ABCD3: variants seen among roughly 807,000 people sequenced by gnomAD.
ABCD3 encodes ATP binding cassette subfamily D member 3, also known as ATP-binding cassette sub-family D member 3.
A neutral mutation model predicts 105.5 loss-of-function variants in ABCD3; 41 were observed. The observed-to-expected ratio is 0.39, with a 90% CI of 0.30 to 0.50. The LOEUF (loss-of-function observed/expected upper bound fraction) is 0.50, where lower values mean the gene tolerates loss of function less well. Among genes scored for constraint, ABCD3 ranks in the 20% least tolerant of loss-of-function variants. The pLI is 0.84. For synonymous variants in ABCD3, 258 were observed against 269.0 expected (o/e 0.96, Z 0.40); for missense variants, 622 against 806.3 (o/e 0.77, Z 2.77).
At chr1:94,485,105 G>A (rs1026379976) in intron 10 of ABCD3, among the ~76,000 whole-genome samples, 1 of 152,142 alleles carries the variant, frequency 6.6e-6, no homozygotes, top group Admixed American at 6.5e-5. Flanking sequence ...GCTAGATTTG[G>A]ACTATGGGTC....
At chr1:94,408,481 C>T in the ABCD3 span, among the ~76,000 whole-genome samples, 1 of 150,782 alleles carries the variant, frequency 6.6e-6, no homozygotes, top group African/African-American at 2.4e-5. Flanking sequence ...GTAATCCCAG[C>T]TACTAGAGAG....
chr1:94,423,371 C>G (rs773780462), intron 1 of ABCD3, among the ~76,000 whole-genome samples: 14 of 152,190 alleles, frequency 9.2e-5, no homozygotes, highest in Non-Finnish European at 1.8e-4. Context: ...GGTGAGTTTC[C>G]TGCTTTTAAA....
In ABCD3 at chr1:94,517,286, TA is replaced by T. The variant is rs1006113943; in HGVS notation, c.*161del. 1.0e-4 allele frequency: 61 copies of T among 604,204 alleles called. No individual in the cohort carries two copies. In the African/African-American group the frequency reaches 1.0e-3, roughly 10 times the overall value. The allele number at this position is 604,204 out of a possible 1,614,324, so 37.4% of individuals were successfully genotyped here. Reference sequence around the variant, plus strand: ...TACAGAATAATGGAGAACAAGTTGTTAAAACATTTAATATTATATAGGATAT... The same window carrying T: ...TACAGAATAATGGAGAACAAGTTGTTAAACATTTAATATTATATAGGATAT... On this transcript the variant is annotated 3_prime_UTR_variant, in exon 23 of 23. Coordinates refer to ENST00000370214, the MANE Select transcript of ABCD3 (RefSeq NM_002858.4).
intron 1 of ABCD3, among the ~76,000 whole-genome samples, chr1:94,450,913 C>T (rs1472354307): frequency 6.6e-6 from 1 of 152,182 alleles, no homozygotes; most frequent in Non-Finnish European, 1.5e-5. Context: ...CTTTATCATC[C>T]TCCCAGATAG....
chr1:94,418,401 C>T lies in ABCD3; in HGVS notation c.-78C>T. The T allele has an allele frequency of 8.6e-6, 11 of 1,275,914 alleles. No individual in the cohort carries two copies. The highest frequency in any genetic ancestry group is 7.6e-5 in the South Asian group (6 of 79,002). The allele number at this position is 1,275,914 out of a possible 1,614,324, so 79.0% of individuals were successfully genotyped here. ...CCTCTGCTCTCCTCCCAGTCTCCCC[C>T]GCGCTGCGTGCAGTAAGGTAGCCGC... On this transcript the variant is annotated 5_prime_UTR_variant, in exon 1 of 23. Coordinates refer to ENST00000370214, the MANE Select transcript of ABCD3 (RefSeq NM_002858.4).
In ABCD3 at chr1:94,467,936, T is replaced by G. The variant is rs766725060; in HGVS notation, c.264T>G (p.Leu88=). 5.0e-6 allele frequency: 8 copies of G among 1,612,848 alleles called. No individual in the cohort carries two copies. Among genetic ancestry groups the G allele is most frequent in the Non-Finnish European group, 6.8e-6 (8 of 1,179,154 alleles). ...TATTTTAGACAGGTTACTTGGTACT[T>G]ATTGCTGTTATGCTGGTGTCTCGAA... is the stretch of plus-strand genomic sequence containing the variant. ...TFCKETGYLV[L]IAVMLVSRTY... is the part of the protein sequence containing the mutation. Residue 88 remains leucine, a synonymous_variant, in exon 4 of 23, where the codon CTT becomes CTG. Coordinates refer to ENST00000370214, the MANE Select transcript of ABCD3 (RefSeq NM_002858.4).
Position 94,488,322 on chromosome 1 carries a change from A to G in ABCD3, c.1157+339A>G, listed in dbSNP as rs549520574. ...CATTTAAATTTTCTTGTCCTCTACC[A>G]TACCTTTTTTTCTTGGATCTTAGAT... On this transcript the variant is annotated intron_variant, in intron 13 of 22. Coordinates refer to ENST00000370214, the MANE Select transcript of ABCD3 (RefSeq NM_002858.4). Among the ~76,000 whole-genome samples the G allele has an allele frequency of 4.0e-5, 6 of 151,862 alleles. No homozygotes were observed. The South Asian group carries it at 1.0e-3, about 26-fold the overall frequency.
At chr1:94,397,490 C>G in the ABCD3 span, among the ~76,000 whole-genome samples, 5 of 152,110 alleles carry the variant, frequency 3.3e-5, no homozygotes, top group Non-Finnish European at 5.9e-5. Context: ...CGATTTGAGT[C>G]TATGTGATGT....
At chr1:94,513,575 A>G (rs1650783750) in intron 21 of ABCD3, 1 of 152,134 alleles carries the variant, frequency 6.6e-6, no homozygotes, top group African/African-American at 2.4e-5. Context: ...AAACTTAAAT[A>G]CAGTTTCAAA....
Position 94,491,081 on chromosome 1 carries a change from C to T in ABCD3, c.1323-103C>T, listed in dbSNP as rs187133797. ...TCTTCTTTTAAGAAGTGTTTAAGCT[C>T]TTTGCCCATTTTTTAATCAGGTTAT... On this transcript the variant is annotated intron_variant, in intron 15 of 22. Transcript: ENST00000370214. 13 of 824,142 alleles carry T rather than the reference C, an allele frequency of 1.6e-5. No individual in the cohort carries two copies. The East Asian group carries it at 3.2e-4, about 20-fold the overall frequency. The allele number at this position is 824,142 out of a possible 1,614,324, so 51.1% of individuals were successfully genotyped here. A position where few individuals can be genotyped will look rare whatever the true frequency, so the allele number is the denominator to read the frequency against.
chr1:94,472,918 A>G (rs893453155), intron 4 of ABCD3, among the ~76,000 whole-genome samples: 1 of 152,222 alleles, frequency 6.6e-6, no homozygotes, highest in Non-Finnish European at 1.5e-5. Flanking sequence ...GGTCATAGAC[A>G]TATCTTACTC....
intron 3 of ABCD3, among the ~76,000 whole-genome samples, chr1:94,466,859 G>A (rs1648164238): frequency 6.6e-6 from 1 of 152,134 alleles, no homozygotes; most frequent in Admixed American, 6.6e-5. Flanking sequence ...GGTAGAAGGG[G>A]CTAATTTGGC....
chr1:94,414,066 A>G (rs189030453), upstream of ABCD3, among the ~76,000 whole-genome samples: 1 of 152,166 alleles, frequency 6.6e-6, no homozygotes, highest in Non-Finnish European at 1.5e-5. Flanking sequence ...GCAGGCATCT[A>G]TCTCCTGGGG....
chr1:94,431,375 G>A (rs1011987266), intron 1 of ABCD3, among the ~76,000 whole-genome samples: 3 of 152,118 alleles, frequency 2.0e-5, no homozygotes, highest in Non-Finnish European at 4.4e-5. Context: ...AGTCAAAGTC[G>A]AGTGCTTGCT....
intron 20 of ABCD3, among the ~76,000 whole-genome samples, chr1:94,500,415 T>A (rs1490135586): frequency 2.0e-5 from 3 of 152,084 alleles, no homozygotes; most frequent in Non-Finnish European, 4.4e-5. Flanking sequence ...CACTCCAGGC[T>A]GGGCGATAGA....
At chr1:94,416,876 TAGAC>T (rs1659038461), upstream of ABCD3, among the ~76,000 whole-genome samples, 1 of 152,232 alleles carries the variant, frequency 6.6e-6, no homozygotes, top group African/African-American at 2.4e-5. Flanking sequence ...AAGAAGAATC[TAGAC>T]AGGCCTTGCT....
chr1:94,475,278 A>G (rs1438507048), intron 6 of ABCD3, 38 bp downstream of exon 6: 1 of 1,288,410 alleles, frequency 7.8e-7, no homozygotes, highest in South Asian at 1.4e-5. Context: ...AAATATTTAA[A>G]TAGAAGAGTA....
chr1:94,493,647 T>C (rs1465823202), intron 16 of ABCD3, among the ~76,000 whole-genome samples: 1 of 151,912 alleles, frequency 6.6e-6, no homozygotes, highest in Admixed American at 6.6e-5. Context: ...TGCACACGTA[T>C]GTTTATTGCG....
At chr1:94,398,943 A>C in the ABCD3 span, among the ~76,000 whole-genome samples, 3 of 152,176 alleles carry the variant, frequency 2.0e-5, no homozygotes, top group East Asian at 3.8e-4. Context: ...AAACAAAAAA[A>C]ACCTGGATAT....
Sources: gnomAD v4.1 joint callset for allele counts (sites outside exome capture counted in the v4.1 genomes callset) on GRCh38, gnomAD v4.1.1 for gene constraint, MANE v1.5 for transcripts, NCBI Gene and HGNC (gene_info 2026-07-23, HGNC 2026-07-21) for gene names.